Variants in PAK5 observed in about 807,000 individuals in gnomAD.
PAK5 encodes p21 (RAC1) activated kinase 5.
In PAK5, 16 loss-of-function variants were observed where a neutral mutation model predicts 65.9. The observed-to-expected ratio is 0.24, with a 90% CI of 0.16 to 0.37. The LOEUF (loss-of-function observed/expected upper bound fraction) is 0.37, where lower values mean the gene tolerates loss of function less well. Ranked by LOEUF, PAK5 falls within the 10% of genes least tolerant of loss-of-function variation. The pLI is 1.00. For synonymous variants in PAK5, 371 were observed against 354.9 expected, an observed-to-expected ratio of 1.05 and a Z score of -0.51; for missense variants, 785 against 903.9, an observed-to-expected ratio of 0.87 and a Z score of 1.69.
At chr20:9,555,036 A>G (rs748839300) in intron 7 of PAK5, among the ~76,000 whole-genome samples, 3 of 152,164 alleles carry the variant, frequency 2.0e-5, no homozygotes, top group Admixed American at 6.5e-5. Context: ...CTTAGTATTT[A>G]TCACCCCTTG....
At chr20:9,837,980 A>G (rs1979284686) in intron 1 of PAK5, among the ~76,000 whole-genome samples, 1 of 152,170 alleles carries the variant, frequency 6.6e-6, no homozygotes, top group South Asian at 2.1e-4. Flanking sequence ...ATACACACAC[A>G]TGGTTTCAAG....
chr20:9,641,371 T>C (rs372173186), intron 3 of PAK5, among the ~76,000 whole-genome samples: 9,749 of 142,950 alleles, frequency 0.068, 661 homozygotes, highest in Non-Finnish European at 0.099. Context: ...TGTCGACTGG[T>C]GCACTCACAA....
chr20:9,748,797 A>G (rs2048539125), intron 1 of PAK5, among the ~76,000 whole-genome samples: 1 of 152,160 alleles, frequency 6.6e-6, no homozygotes, highest in Non-Finnish European at 1.5e-5. Context: ...TTCATTAGCC[A>G]TTAGCCACAG....
At chr20:9,826,214 G>A (rs1266695530) in intron 1 of PAK5, among the ~76,000 whole-genome samples, 1 of 140,462 alleles carries the variant, frequency 7.1e-6, no homozygotes, top group Non-Finnish European at 1.5e-5. Flanking sequence ...TTTTTTTCTG[G>A]GAAATTTCAC....
chr20:9,544,703 CT>C (rs1471989940), intron 7 of PAK5, among the ~76,000 whole-genome samples: 2 of 152,170 alleles, frequency 1.3e-5, no homozygotes, highest in Non-Finnish European at 2.9e-5. Flanking sequence ...CCAGGATCAA[CT>C]TCCAAATGTC....
intron 2 of PAK5, among the ~76,000 whole-genome samples, chr20:9,670,289 T>C (rs2047478809): frequency 6.6e-6 from 1 of 152,184 alleles, no homozygotes; most frequent in Non-Finnish European, 1.5e-5. Context: ...ATATACCCAG[T>C]AATGGGATGG....
At chr20:9,562,693 A>G (rs2045609481) in intron 6 of PAK5, among the ~76,000 whole-genome samples, 198 bp downstream of exon 6, 1 of 152,200 alleles carries the variant, frequency 6.6e-6, no homozygotes, top group Non-Finnish European at 1.5e-5. Context: ...TTCTGAGGGC[A>G]GGGAGAACAT....
intron 3 of PAK5, among the ~76,000 whole-genome samples, chr20:9,595,973 C>A (rs6056732): frequency 0.1 from 15,786 of 152,098 alleles, 999 homozygotes; most frequent in East Asian, 0.27. Context: ...CTTGCATTCC[C>A]TTCTGTCTCT....
rs148791891 is a variant in PAK5 at position 9,594,986 on chromosome 20, T to C, written c.205-14056A>G. ...TTATTACGGAGAGAATTTACTGATA[T>C]ATATAAACACATATACACATACATT... On this transcript the variant is annotated intron_variant, in intron 3 of 9. Coordinates refer to ENST00000353224, the MANE Select transcript of PAK5 (RefSeq NM_177990.4). Among the ~76,000 whole-genome samples the C allele has an allele frequency of 5.9e-3, 896 of 152,156 alleles. 12 individuals carry two copies. The highest frequency in any genetic ancestry group is 5.5e-3 in the Non-Finnish European group (374 of 68,008).
At chr20:9,799,939 C>CAAAAAAAAAAAAAAAAAAAAAAAAAAAA (rs71331383) in intron 1 of PAK5, among the ~76,000 whole-genome samples, 2 of 43,660 alleles carry the variant, frequency 4.6e-5, no homozygotes, top group Non-Finnish European at 4.5e-5. Context: ...ACTCTGTCTC[C>CAAAAAAAAAAAAAAAAAAAAAAAAAAAA]AAAAAAAAAA....
At chr20:9,571,268 C>A (rs998931811) in intron 4 of PAK5, among the ~76,000 whole-genome samples, 2 of 152,194 alleles carry the variant, frequency 1.3e-5, no homozygotes, top group African/African-American at 4.8e-5. Context: ...TGAACCATTG[C>A]CTTCTGTTGG....
At chr20:9,736,546 C>T (rs141376348) in intron 1 of PAK5, among the ~76,000 whole-genome samples, 4 of 152,272 alleles carry the variant, frequency 2.6e-5, no homozygotes, top group Non-Finnish European at 4.4e-5. Context: ...AGCTCAGAGG[C>T]ATGATGTTAC....
At chr20:9,823,825 A>C (rs565292956) in intron 1 of PAK5, among the ~76,000 whole-genome samples, 35 of 152,300 alleles carry the variant, frequency 2.3e-4, no homozygotes, top group African/African-American at 4.6e-4. Context: ...CTGGGGGGGA[A>C]ATCCTAACTA....
At chr20:9,745,398 T>G (rs958891900) in intron 1 of PAK5, among the ~76,000 whole-genome samples, 9 of 151,854 alleles carry the variant, frequency 5.9e-5, no homozygotes, top group Non-Finnish European at 1.3e-4. Flanking sequence ...TGTAGAACTG[T>G]GACATTGGTG....
intron 1 of PAK5, among the ~76,000 whole-genome samples, chr20:9,763,720 C>T (rs1213036214): frequency 1.3e-5 from 2 of 152,024 alleles, no homozygotes; most frequent in Non-Finnish European, 2.9e-5. Flanking sequence ...TATTTTGAAA[C>T]ATTTCAAACT....
At chr20:9,764,488 C>T (rs2048734295) in intron 1 of PAK5, among the ~76,000 whole-genome samples, 1 of 152,170 alleles carries the variant, frequency 6.6e-6, no homozygotes, top group Non-Finnish European at 1.5e-5. Context: ...GGGTATATCA[C>T]TTTGAAGCCT....
chr20:9,678,731 A>T (rs1569035940), intron 2 of PAK5, among the ~76,000 whole-genome samples: 2 of 152,158 alleles, frequency 1.3e-5, no homozygotes, highest in Non-Finnish European at 2.9e-5. Flanking sequence ...GAGAAGTGCC[A>T]AGCAAAAGGG....
chr20:9,585,477 A>T (rs2046053237), intron 3 of PAK5, among the ~76,000 whole-genome samples: 1 of 152,248 alleles, frequency 6.6e-6, no homozygotes, highest in Non-Finnish European at 1.5e-5. Context: ...GTGTGACATC[A>T]CAACCCAGCA....
intron 7 of PAK5, among the ~76,000 whole-genome samples, chr20:9,545,152 T>C (rs142654857): frequency 6.6e-6 from 1 of 152,286 alleles, no homozygotes; most frequent in East Asian, 1.9e-4. Flanking sequence ...GGCACTTGGT[T>C]GTCAGGGGTT....
Sources: allele counts gnomAD v4.1 joint callset (sites outside exome capture counted in the v4.1 genomes callset), GRCh38; gene constraint gnomAD v4.1.1; transcripts MANE v1.5; gene names NCBI Gene and HGNC (gene_info 2026-07-23, HGNC 2026-07-21).